XYLT2: variants seen among roughly 807,000 people sequenced by gnomAD.
The protein encoded by XYLT2 is xylosyltransferase 2.
XYLT2 carries 37 observed loss-of-function variants against 82.6 expected under a neutral mutation model. The ratio of observed to expected loss-of-function variants is 0.45; its 90% CI spans 0.34 to 0.59. The LOEUF (loss-of-function observed/expected upper bound fraction) is 0.59. Among genes scored for constraint, XYLT2 ranks in the 20% least tolerant of loss-of-function variants. The pLI is 0.01. For missense variants in XYLT2, 934 were observed against 1,181.3 expected, an observed-to-expected ratio of 0.79 and a Z score of 3.07; for synonymous variants, 474 against 499.0, an observed-to-expected ratio of 0.95 and a Z score of 0.67.
intron 10 of XYLT2, chr17:50,359,139 A>C (rs1448100206): frequency 6.5e-6 from 1 of 153,150 alleles, no homozygotes; most frequent in African/African-American, 2.4e-5. Context: ...CATTCTTGGG[A>C]CAGCAAATCT....
rs1030102472 is a variant in XYLT2 at position 50,346,547 on chromosome 17, C to T, written c.135+272C>T. The T allele has an allele frequency of 1.3e-5, 12 of 953,780 alleles. No individual in the cohort carries two copies. The highest frequency in any genetic ancestry group is 1.5e-5 in the Non-Finnish European group (12 of 801,170). 59.1% of individuals were successfully genotyped at this position (953,780 alleles called of 1,614,324 possible). ...GGGGAGCAGGTCATGCTAGGGTGGTCTCCGGCCAAGGGAGCGATGAAGGTC... is the reference window on the plus strand; with the variant it reads ...GGGGAGCAGGTCATGCTAGGGTGGTTTCCGGCCAAGGGAGCGATGAAGGTC... On this transcript the variant is annotated intron_variant, in intron 1 of 10. Transcript: ENST00000017003. This position sits in a 1 kb window ranked among gnomAD's most constrained non-coding sequence, Gnocchi z 5.1.
In XYLT2 at chr17:50,346,788, G is replaced by C. The variant is rs1309248598; in HGVS notation, c.135+513G>C. The C allele has an allele frequency of 6.1e-6, 6 of 985,274 alleles. No individual in the cohort carries two copies. The highest frequency in any genetic ancestry group is 1.7e-5 in the African/African-American group (1 of 57,226). 61.0% of individuals were successfully genotyped at this position (985,274 alleles called of 1,614,324 possible). The stretch of plus-strand genomic sequence containing the variant: ...AGCTCGGGGGTGGAATTCAGGCCTG[G>C]GACAAAGTGTGTACCCGGGAACTGA... On this transcript the variant is annotated intron_variant, in intron 1 of 10. Coordinates refer to ENST00000017003, the MANE Select transcript of XYLT2 (RefSeq NM_022167.4). The surrounding 1 kb of genome is among the most constrained non-coding windows in gnomAD (Gnocchi z 5.1).
At chr17:50,348,971 G>A (rs181109129) in intron 1 of XYLT2, among the ~76,000 whole-genome samples, 3 of 152,294 alleles carry the variant, frequency 2.0e-5, no homozygotes, top group East Asian at 3.9e-4. Context: ...GATGGAGGTG[G>A]GGGCTGACTG....
intron 1 of XYLT2, among the ~76,000 whole-genome samples, chr17:50,353,427 G>A (rs1457970074): frequency 2.0e-5 from 3 of 152,196 alleles, no homozygotes; most frequent in Non-Finnish European, 4.4e-5. Context: ...ATGGAGGGAG[G>A]CCCAGTGCGC....
chr17:50,354,477 G>A lies in XYLT2; in HGVS notation c.698G>A (p.Arg233Gln), dbSNP rs142606378. 119 of 1,612,766 alleles carry A rather than the reference G, an allele frequency of 7.4e-5. No individual in the cohort carries two copies. In the African/African-American group the frequency reaches 1.4e-3, roughly 19 times the overall value. Residue 233 changes from arginine to glutamine, a missense_variant, in exon 3 of 11, where the codon CGA becomes CAA. Transcript: ENST00000017003. ...CAGCCCATGGATGGCCCCCCGGTGC[G>A]AATCGCCTACATGCTGGTGGTTCAC... ...AQQPMDGPPV[R>Q]IAYMLVVHGR...
rs1912530854 is a variant in XYLT2 at position 50,356,370 on chromosome 17, G to A, written c.1482+109G>A. 2.6e-6 allele frequency: 4 copies of A among 1,550,698 alleles called. No homozygotes were observed. The Admixed American group carries it at 7.2e-5, about 28-fold the overall frequency. On this transcript the variant is annotated intron_variant, in intron 7 of 10. Coordinates refer to ENST00000017003, the MANE Select transcript of XYLT2 (RefSeq NM_022167.4). ...AGAATCTGGGGGGCCACGGCCTGCA[G>A]CAACCCTCAGGGGTCTGGGGCTACA...
At position 50,360,854 on chromosome 17, in the gene XYLT2, G is replaced by T. The variant is rs1362822703; in HGVS notation, c.*563G>T. 2 of 985,790 alleles carry T rather than the reference G, an allele frequency of 2.0e-6. No individual in the cohort carries two copies. Among genetic ancestry groups the T allele is most frequent in the African/African-American group, 1.7e-5 (1 of 57,230 alleles). 61.1% of individuals were successfully genotyped at this position (985,790 alleles called of 1,614,324 possible). On this transcript the variant is annotated 3_prime_UTR_variant, in exon 11 of 11. Coordinates refer to ENST00000017003, the MANE Select transcript of XYLT2 (RefSeq NM_022167.4). ...TAAGGCCCGAAGAACAGGTGATATC[G>T]GGGGCGCTGCAGAGCTGGGCTCTAG... is the stretch of plus-strand genomic sequence containing the variant.
In XYLT2 at chr17:50,360,522, A is replaced by G; in HGVS notation, c.*231A>G. On this transcript the variant is annotated 3_prime_UTR_variant, in exon 11 of 11. Coordinates refer to ENST00000017003, the MANE Select transcript of XYLT2 (RefSeq NM_022167.4). ...GCGAGAAGGGCACCAGCAGCATTCC[A>G]CACCCAGCTCTTCCTCACCTTCCTG... The G allele has an allele frequency of 8.0e-7, 1 of 1,247,178 alleles. No individual in the cohort carries two copies. The highest frequency in any genetic ancestry group is 1.0e-6 in the Non-Finnish European group (1 of 997,000). The allele number at this position is 1,247,178 out of a possible 1,614,324, so 77.3% of individuals were successfully genotyped here.
chr17:50,358,490 G>A lies in XYLT2; in HGVS notation c.2225G>A (p.Arg742His), dbSNP rs369581548. Residue 742 changes from arginine to histidine, a missense_variant, in exon 10 of 11, where the codon CGC (arginine) becomes CAC (histidine). Coordinates refer to ENST00000017003, the MANE Select transcript of XYLT2 (RefSeq NM_022167.4). ...LQFWEPLGETRFLVLPLTFNR... is the reference protein window; with the variant it reads ...LQFWEPLGETHFLVLPLTFNR... ...TTCTGGGAACCGCTGGGTGAGACCC[G>A]CTTCCTTGTGCTGCCCTTGACCTTC... 4.2e-5 allele frequency: 68 copies of A among 1,614,008 alleles called. No individual in the cohort carries two copies. The highest frequency in any genetic ancestry group is 1.7e-4 in the Admixed American group (10 of 60,012).
At chr17:50,358,052 G>A in intron 9 of XYLT2, 155 bp from the exon 10 acceptor site, 1 of 660,382 alleles carries the variant, frequency 1.5e-6, no homozygotes, top group Non-Finnish European at 2.6e-6. Flanking sequence ...AGATATTAAA[G>A]GTCTCCTAGT....
rs141474571 is a variant in XYLT2 at position 50,356,612 on chromosome 17, C to T, written c.1584C>T (p.Pro528=). Residue 528 remains proline (P), a synonymous_variant, in exon 8 of 11, where the codon CCC becomes CCT. Coordinates refer to ENST00000017003, the MANE Select transcript of XYLT2 (RefSeq NM_022167.4). ...LDFHLYGSYP[P]GTPALKAYWE... Reference sequence around the variant, plus strand: ...TCCACCTGTATGGCAGCTACCCCCCCGGCACGCCAGCCCTCAAGGCCTACT... The same window carrying T: ...TCCACCTGTATGGCAGCTACCCCCCTGGCACGCCAGCCCTCAAGGCCTACT... The T allele has an allele frequency of 5.4e-5, 87 of 1,614,150 alleles. 1 individual carries two copies. Among genetic ancestry groups the T allele is most frequent in the South Asian group, 1.9e-4 (17 of 91,088 alleles).
At chr17:50,353,503 A>G (rs962122284) in intron 1 of XYLT2, 127 bp from the exon 2 acceptor site, 1 of 1,423,118 alleles carries the variant, frequency 7.0e-7, no homozygotes, top group Non-Finnish European at 9.3e-7. Flanking sequence ...TTAGGTGAAA[A>G]GCGCTTCTCT....
Position 50,360,331 on chromosome 17 carries a change from G to C in XYLT2, c.*40G>C, listed in dbSNP as rs765511309. ...GTACCCGTGGAGGACCCGGGAAATT[G>C]CACCTTACAGACAGTGGAGGGGTGT... On this transcript the variant is annotated 3_prime_UTR_variant, in exon 11 of 11. Coordinates refer to ENST00000017003, the MANE Select transcript of XYLT2 (RefSeq NM_022167.4). 4 of 1,520,340 alleles carry C rather than the reference G, an allele frequency of 2.6e-6. No homozygotes were observed. The highest frequency in any genetic ancestry group is 3.5e-6 in the Non-Finnish European group (4 of 1,132,878). 94.2% of individuals were successfully genotyped at this position (1,520,340 alleles called of 1,614,324 possible).
intron 10 of XYLT2, 36 bp from the exon 11 acceptor site, chr17:50,359,933 C>G: frequency 1.3e-6 from 2 of 1,514,976 alleles, no homozygotes; most frequent in Non-Finnish European, 1.8e-6. Flanking sequence ...GAGTCTGTTG[C>G]AGGGGGTGTG....
intron 1 of XYLT2, among the ~76,000 whole-genome samples, chr17:50,348,924 G>A (rs1250827117): frequency 2.0e-5 from 3 of 152,224 alleles, no homozygotes; most frequent in African/African-American, 7.2e-5. Flanking sequence ...CAAGGCTGGG[G>A]CTGTGATGAC....
rs139005098 is a variant in XYLT2 at position 50,357,144 on chromosome 17, G to A, written c.1833G>A (p.Gln611=). The change falls in exon 9 of 11, where the codon CAG becomes CAA. Residue 611 remains glutamine, a synonymous_variant. Coordinates refer to ENST00000017003, the MANE Select transcript of XYLT2 (RefSeq NM_022167.4). ...GCTACCTGGTGACGCAGGCGGTGCA[G>A]CCCTCAGCCCAGGGGCCGGCAGAGA... ...FQGYLVTQAV[Q]PSAQGPAETL... 1.9e-4 allele frequency: 301 copies of A among 1,613,706 alleles called. No individual in the cohort carries two copies. The African/African-American group carries it at 3.7e-3, about 20-fold the overall frequency.
chr17:50,354,610 G>A (rs1193319745), intron 3 of XYLT2, 27 bp downstream of exon 3: 7 of 1,589,394 alleles, frequency 4.4e-6, no homozygotes, highest in Non-Finnish European at 6.0e-6. Flanking sequence ...AGGCCAAGGG[G>A]TCTGGGATGA....
rs2143249394 is a variant in XYLT2, at chr17:50,360,384, C to T, written c.*93C>T. On this transcript the variant is annotated 3_prime_UTR_variant, in exon 11 of 11. Transcript: ENST00000017003. ...CCTCCCACAGGCAAGAACCAGAGGCCCAGGCTGCACACCCATTTCAGCCAT... is the reference window on the plus strand; with the variant it reads ...CCTCCCACAGGCAAGAACCAGAGGCTCAGGCTGCACACCCATTTCAGCCAT... 2.8e-6 allele frequency: 4 copies of T among 1,444,540 alleles called. No homozygotes were observed. The East Asian group carries it at 1.0e-4, about 36-fold the overall frequency. The allele number at this position is 1,444,540 out of a possible 1,614,324, so 89.5% of individuals were successfully genotyped here. A position where few individuals can be genotyped will look rare whatever the true frequency, so the allele number is the denominator to read the frequency against.
rs200973528 is a variant in XYLT2, at chr17:50,360,311, C to A, written c.*20C>A. 6.4e-7 allele frequency: 1 copy of A among 1,554,098 alleles called. No individual in the cohort carries two copies. Among genetic ancestry groups the A allele is most frequent in the Non-Finnish European group, 8.7e-7 (1 of 1,149,070 alleles). On this transcript the variant is annotated 3_prime_UTR_variant, in exon 11 of 11. Transcript: ENST00000017003. The stretch of plus-strand genomic sequence containing the variant: ...AGGTAGCAGGGCCCCAGCCAGTACC[C>A]GTGGAGGACCCGGGAAATTGCACCT...
Sources: allele counts gnomAD v4.1 joint callset (sites outside exome capture counted in the v4.1 genomes callset), GRCh38; gene constraint gnomAD v4.1.1; non-coding constraint Gnocchi (gnomAD v3.1); transcripts MANE v1.5; gene names NCBI Gene and HGNC (gene_info 2026-07-23, HGNC 2026-07-21).